The following IL7R variants were observed in gnomAD, a reference collection of about 807,000 sequenced individuals.
IL7R encodes the protein interleukin-7 receptor subunit alpha.
A neutral mutation model predicts 47.0 loss-of-function variants in IL7R; 38 were observed. The ratio of observed to expected loss-of-function variants is 0.81; its 90% confidence interval spans 0.62 to 1.06. IL7R has a LOEUF of 1.06. IL7R is among the 50% of genes least tolerant of loss of function. The probability of loss-of-function intolerance (pLI) is 0.00; values close to 1 mark genes in which losing one functional copy is unlikely to be tolerated. For missense variants in IL7R, 633 were observed against 534.8 expected (o/e 1.18, Z -1.81); for synonymous variants, 221 against 199.8 (o/e 1.11, Z -0.89).
At chr5:35,864,021 G>A (rs1473309728) in intron 2 of IL7R, among the ~76,000 whole-genome samples, 1 of 152,078 alleles carries the variant, frequency 6.6e-6, no homozygotes. Flanking sequence ...CTAGAAGGAT[G>A]CTTCATGTTC....
chr5:35,857,190 T>A (rs546979093), intron 1 of IL7R, 131 bp downstream of exon 1: 3 of 657,518 alleles, frequency 4.6e-6, no homozygotes, highest in African/African-American at 7.0e-5. Context: ...ACATATTCAG[T>A]CATTTTTTTT....
intron 3 of IL7R, among the ~76,000 whole-genome samples, chr5:35,870,399 C>T (rs1221315789): frequency 6.6e-6 from 1 of 152,154 alleles, no homozygotes; most frequent in African/African-American, 2.4e-5. Flanking sequence ...AGGTCTTAGC[C>T]AGGGCCAGGA....
At position 35,877,979 on chromosome 5, in the gene IL7R, C is replaced by G. The variant is rs1017044747; in HGVS notation, c.*1493C>G. 39 of 233,146 alleles carry G rather than the reference C, an allele frequency of 1.7e-4. No individual in the cohort carries two copies. Among genetic ancestry groups the G allele is most frequent in the African/African-American group, 8.6e-4 (39 of 45,324 alleles). The allele number at this position is 233,146 out of a possible 1,614,324, so 14.4% of individuals were successfully genotyped here. A position where few individuals can be genotyped will look rare whatever the true frequency, so the allele number is the denominator to read the frequency against. On this transcript the variant is annotated 3_prime_UTR_variant, in exon 8 of 8. Coordinates refer to ENST00000303115, the MANE Select transcript of IL7R (RefSeq NM_002185.5). ...TGGTTTTGTTTGAGATTTGTTGCTA[C>G]TGTTTTTCTGTTTTGAATTTTCTTC...
chr5:35,876,461 T>C lies in IL7R; in HGVS notation c.1355T>C (p.Met452Thr), dbSNP rs1256864447. ...GSNQEEAYVT[M>T]SSFYQNQ The stretch of plus-strand genomic sequence containing the variant: ...AATCAAGAAGAAGCATATGTCACCA[T>C]GTCCAGCTTCTACCAAAACCAGTGA... Residue 452 changes from methionine to threonine, a missense_variant, in exon 8 of 8, where the codon ATG (methionine) becomes ACG (threonine). Coordinates refer to ENST00000303115, the MANE Select transcript of IL7R (RefSeq NM_002185.5). The C allele has an allele frequency of 5.6e-6, 9 of 1,604,320 alleles. No individual in the cohort carries two copies. The highest frequency in any genetic ancestry group is 7.6e-6 in the Non-Finnish European group (9 of 1,179,956).
Position 35,873,525 on chromosome 5 carries a change from C to G in IL7R, c.583C>G (p.Leu195Val), listed in dbSNP as rs1760124742. 1 of 1,614,022 alleles carries G rather than the reference C, an allele frequency of 6.2e-7. No homozygotes were observed. The highest frequency in any genetic ancestry group is 8.5e-7 in the Non-Finnish European group (1 of 1,179,904). Residue 195 changes from leucine (L) to valine (V), a missense_variant, in exon 5 of 8, where the codon CTC becomes GTC. By Grantham distance (32) the Leu-to-Val change is conservative. Coordinates refer to ENST00000303115, the MANE Select transcript of IL7R (RefSeq NM_002185.5). ...STKLTLLQRKLQPAAMYEIKV... is the reference protein window; with the variant it reads ...STKLTLLQRKVQPAAMYEIKV... ...AAAGCTGACACTCCTGCAGAGAAAG[C>G]TCCAACCGGCAGCAATGTATGAGAT...
In IL7R at chr5:35,867,829, C is replaced by G. The variant is rs147074118; in HGVS notation, c.379+366C>G. Among the ~76,000 whole-genome samples the G allele has an allele frequency of 1.1e-4, 17 of 152,184 alleles. No individual in the cohort carries two copies. In the East Asian group the frequency reaches 3.1e-3, roughly 28 times the overall value. ...TCCTTGTGGTCTTCTCCCCAAATCC[C>G]CACAACATTCTGAGTAAGTTTAGCT... On this transcript the variant is annotated intron_variant, in intron 3 of 7. Coordinates refer to ENST00000303115, the MANE Select transcript of IL7R (RefSeq NM_002185.5).
intron 2 of IL7R, among the ~76,000 whole-genome samples, chr5:35,865,348 C>G (rs11567724): frequency 0.035 from 5,380 of 152,248 alleles, 145 homozygotes; most frequent in South Asian, 0.055. Context: ...TTTTCTTAAT[C>G]CAGTCTATCA....
chr5:35,863,107 A>G, intron 2 of IL7R, among the ~76,000 whole-genome samples: 1 of 152,156 alleles, frequency 6.6e-6, no homozygotes, highest in South Asian at 2.1e-4. Flanking sequence ...TGAGACACAC[A>G]CACACATACA....
At position 35,877,312 on chromosome 5, in the gene IL7R, G is replaced by A. The variant is rs1487008611; in HGVS notation, c.*826G>A. The A allele has an allele frequency of 1.3e-5, 3 of 233,020 alleles. No individual in the cohort carries two copies. Among genetic ancestry groups the A allele is most frequent in the Non-Finnish European group, 2.5e-5 (3 of 118,012 alleles). The allele number at this position is 233,020 out of a possible 1,614,324, so 14.4% of individuals were successfully genotyped here. On this transcript the variant is annotated 3_prime_UTR_variant, in exon 8 of 8. Transcript: ENST00000303115. The stretch of plus-strand genomic sequence containing the variant: ...TAAAATGGCTATGAGAAAGAAAGAG[G>A]GGGAGAAACAGTCTTGCGGGTGTGA...
rs758373857 is a variant in IL7R at position 35,856,970 on chromosome 5, C to G, written c.-8C>G. 31 of 1,540,196 alleles carry G rather than the reference C, an allele frequency of 2.0e-5. No homozygotes were observed. The highest frequency in any genetic ancestry group is 1.5e-4 in the Admixed American group (9 of 59,928). ...ACACATCTACTCTCTCTCTCTATCT[C>G]TCTCAGAATGACAATTCTAGGTACA... On this transcript the variant is annotated 5_prime_UTR_variant, in exon 1 of 8. Transcript: ENST00000303115.
At chr5:35,858,979 C>T (rs187422832) in intron 1 of IL7R, among the ~76,000 whole-genome samples, 4 of 152,314 alleles carry the variant, frequency 2.6e-5, no homozygotes, top group South Asian at 2.1e-4. Context: ...AAGAATTTTT[C>T]AGCTCACGTC....
rs1007620457 is a variant in IL7R at position 35,860,976 on chromosome 5, G to A, written c.207G>A (p.Leu69=). 1 of 1,613,440 alleles carries A rather than the reference G, an allele frequency of 6.2e-7. No homozygotes were observed. The highest frequency in any genetic ancestry group is 8.5e-7 in the Non-Finnish European group (1 of 1,179,462). ...ACCCAGATGTCAACATCACCAATCTGGAATTTGAAATATGGTGAGGGATGG... is the reference window on the plus strand; with the variant it reads ...ACCCAGATGTCAACATCACCAATCTAGAATTTGAAATATGGTGAGGGATGG... ...FEDPDVNITN[L]EFEICGALVE... Residue 69 remains leucine, a synonymous_variant, in exon 2 of 8, where the codon CTG becomes CTA. Transcript: ENST00000303115.
intron 2 of IL7R, among the ~76,000 whole-genome samples, chr5:35,864,565 G>A (rs577459383): frequency 2.6e-5 from 4 of 152,014 alleles, no homozygotes; most frequent in Admixed American, 6.6e-5. Flanking sequence ...TTTTTAATTC[G>A]CATTTGTCAA....
chr5:35,861,792 A>C (rs1759827429), intron 2 of IL7R, among the ~76,000 whole-genome samples: 1 of 152,132 alleles, frequency 6.6e-6, no homozygotes, highest in Non-Finnish European at 1.5e-5. Flanking sequence ...CTTGTTGCCA[A>C]GGGTTACTAT....
At chr5:35,863,195 T>C (rs566699923) in intron 2 of IL7R, among the ~76,000 whole-genome samples, 1 of 152,100 alleles carries the variant, frequency 6.6e-6, no homozygotes, top group Non-Finnish European at 1.5e-5. Flanking sequence ...GGGAGAACAG[T>C]TTTAAGGAAT....
At chr5:35,863,360 C>T (rs1203262191) in intron 2 of IL7R, among the ~76,000 whole-genome samples, 2 of 152,204 alleles carry the variant, frequency 1.3e-5, no homozygotes. Context: ...GGCACTCTCC[C>T]CTGCATTTAA....
chr5:35,870,485 T>C (rs758511585), intron 3 of IL7R, among the ~76,000 whole-genome samples: 2 of 152,200 alleles, frequency 1.3e-5, no homozygotes. Context: ...ATTACAAGAA[T>C]AAAGACTCAG....
At position 35,878,188 on chromosome 5, in the gene IL7R, A is replaced by G. The variant is rs147528974; in HGVS notation, c.*1702A>G. The G allele has an allele frequency of 4.3e-6, 1 of 233,284 alleles. No homozygotes were observed. Among genetic ancestry groups the G allele is most frequent in the East Asian group, 6.0e-5 (1 of 16,570 alleles). 14.5% of individuals were successfully genotyped at this position (233,284 alleles called of 1,614,324 possible). On this transcript the variant is annotated 3_prime_UTR_variant, in exon 8 of 8. Coordinates refer to ENST00000303115, the MANE Select transcript of IL7R (RefSeq NM_002185.5). ...TCTTCAGGTGAATGTTTTACTTTCC[A>G]AAGTGCTCTCCTCTGCACCAGCAGT...
Position 35,874,476 on chromosome 5 carries a change from T to G in IL7R, c.734T>G (p.Ile245Ser). The stretch of plus-strand genomic sequence containing the variant: ...GAGATGGATCCTATCTTACTAACCA[T>G]CAGCATTTTGAGTTTTTTCTCTGTC... ...SGEMDPILLT[I>S]SILSFFSVAL... Residue 245 changes from isoleucine (I) to serine (S), a missense_variant, in exon 6 of 8, where the codon ATC becomes AGC. Coordinates refer to ENST00000303115, the MANE Select transcript of IL7R (RefSeq NM_002185.5). 1.2e-6 allele frequency: 2 copies of G among 1,613,074 alleles called. No individual in the cohort carries two copies. Among genetic ancestry groups the G allele is most frequent in the Non-Finnish European group, 1.7e-6 (2 of 1,179,062 alleles).
Sources: gnomAD v4.1 joint callset for allele counts (sites outside exome capture counted in the v4.1 genomes callset) on GRCh38, gnomAD v4.1.1 for gene constraint, MANE v1.5 for transcripts, NCBI Gene and HGNC (gene_info 2026-07-23, HGNC 2026-07-21) for gene names.